Variants in STAC observed in about 807,000 individuals in gnomAD.
The protein encoded by STAC is SH3 and cysteine-rich domain-containing protein.
In STAC, 43 loss-of-function variants were observed where a neutral mutation model predicts 48.8. That is an observed-to-expected ratio of 0.88 (90% CI 0.69 to 1.14). STAC has a LOEUF of 1.14. STAC is among the 50% of genes most tolerant of loss of function. The pLI, the probability that STAC is intolerant of heterozygous loss-of-function variation, is 0.00. For synonymous variants in STAC, 193 were observed against 179.5 expected, an observed-to-expected ratio of 1.07 and a Z score of -0.60; for missense variants, 497 against 504.0, an observed-to-expected ratio of 0.99 and a Z score of 0.13.
At chr3:36,512,858 G>A (rs980602652) in intron 8 of STAC, among the ~76,000 whole-genome samples, 1 of 152,100 alleles carries the variant, frequency 6.6e-6, no homozygotes, top group Non-Finnish European at 1.5e-5. Context: ...AATGTGTAAG[G>A]CAATCCTTTG....
intron 1 of STAC, among the ~76,000 whole-genome samples, chr3:36,399,980 G>T (rs1377701073): frequency 1.3e-5 from 2 of 152,200 alleles, no homozygotes; most frequent in Non-Finnish European, 2.9e-5. Context: ...TAAATGGAAA[G>T]AAAGGATTAA....
chr3:36,436,542 T>TG, intron 1 of STAC, among the ~76,000 whole-genome samples: 1 of 152,190 alleles, frequency 6.6e-6, no homozygotes, highest in Non-Finnish European at 1.5e-5. Flanking sequence ...GATCTCTTGT[T>TG]GGGGCCACTG....
intron 1 of STAC, among the ~76,000 whole-genome samples, chr3:36,386,551 CTATTAT>C (rs1699620751): frequency 6.6e-6 from 1 of 151,760 alleles, no homozygotes; most frequent in African/African-American, 2.4e-5. Context: ...TTTAGATATT[CTATTAT>C]TATTTTCTAG....
At chr3:36,514,204 C>CTT (rs765548085) in intron 8 of STAC, among the ~76,000 whole-genome samples, 1,330 of 36,430 alleles carry the variant, frequency 0.037, 228 homozygotes, top group African/African-American at 0.066. Flanking sequence ...CACTGGCCTT[C>CTT]TTTTTTTTTT....
rs62245717 is a variant in STAC, at chr3:36,380,896, G to C, written c.111+142G>C. 3.7e-3 allele frequency: 2,279 copies of C among 615,142 alleles called. 6 individuals are homozygous for C. The highest frequency in any genetic ancestry group is 5.6e-3 in the Non-Finnish European group (1,966 of 350,082). The allele number at this position is 615,142 out of a possible 1,614,324, so 38.1% of individuals were successfully genotyped here. A position where few individuals can be genotyped will look rare whatever the true frequency, so the allele number is the denominator to read the frequency against. Reference sequence around the variant, plus strand: ...CCAGGGCTGTAGGACTTGAACGTCCGGTAGGACCCGCTGCTCACGATGCTG... The same window carrying C: ...CCAGGGCTGTAGGACTTGAACGTCCCGTAGGACCCGCTGCTCACGATGCTG... On this transcript the variant is annotated intron_variant, in intron 1 of 10. Coordinates refer to ENST00000273183, the MANE Select transcript of STAC (RefSeq NM_003149.3).
chr3:36,505,386 C>T (rs1263464023), intron 7 of STAC, among the ~76,000 whole-genome samples: 1 of 152,004 alleles, frequency 6.6e-6, no homozygotes, highest in Non-Finnish European at 1.5e-5. Flanking sequence ...GAGTTATACA[C>T]TACTATTCAT....
intron 6 of STAC, among the ~76,000 whole-genome samples, chr3:36,502,797 G>A (rs1208363823): frequency 6.6e-6 from 1 of 152,118 alleles, no homozygotes; most frequent in East Asian, 1.9e-4. Context: ...ACATCAAGTT[G>A]AGTGGCCAAA....
intron 2 of STAC, among the ~76,000 whole-genome samples, chr3:36,450,723 C>A (rs1696652197): frequency 6.6e-6 from 1 of 152,128 alleles, no homozygotes; most frequent in Admixed American, 6.5e-5. Flanking sequence ...ATGGGTTTCA[C>A]CATGTTGGCC....
intron 1 of STAC, among the ~76,000 whole-genome samples, chr3:36,412,433 G>GT (rs139913497): frequency 7.6e-4 from 113 of 149,640 alleles, no homozygotes; most frequent in Middle Eastern, 3.4e-3. Flanking sequence ...AAAAATAGAG[G>GT]TTTTTTTTTT....
At chr3:36,495,715 G>C (rs1698135787) in intron 6 of STAC, among the ~76,000 whole-genome samples, 1 of 152,236 alleles carries the variant, frequency 6.6e-6, no homozygotes, top group South Asian at 2.1e-4. Context: ...TTTTAAAATA[G>C]GAAGGGCTAT....
intron 1 of STAC, 45 bp downstream of exon 1, chr3:36,380,799 T>G: frequency 1.4e-6 from 2 of 1,466,546 alleles, no homozygotes; most frequent in Non-Finnish European, 1.9e-6. Context: ...CTCACTCTCC[T>G]CTCCTGTCGG....
chr3:36,438,844 T>A (rs1696232263), intron 1 of STAC, among the ~76,000 whole-genome samples: 1 of 152,194 alleles, frequency 6.6e-6, no homozygotes, highest in Non-Finnish European at 1.5e-5. Flanking sequence ...GTAAGCATCC[T>A]CCCCGTCACT....
At chr3:36,486,343 T>C in intron 5 of STAC, 94 bp downstream of exon 5, 2 of 1,090,200 alleles carry the variant, frequency 1.8e-6, no homozygotes, top group Non-Finnish European at 2.6e-6. Flanking sequence ...CCTGACTGCC[T>C]CATGAGGGCA....
chr3:36,530,361 C>T (rs1018367263), intron 10 of STAC, among the ~76,000 whole-genome samples: 23 of 152,038 alleles, frequency 1.5e-4, no homozygotes, highest in East Asian at 7.7e-4. Flanking sequence ...ACAGAGTTGC[C>T]GAAAACACAT....
At chr3:36,402,418 C>A (rs1700015059) in intron 1 of STAC, among the ~76,000 whole-genome samples, 1 of 151,926 alleles carries the variant, frequency 6.6e-6, no homozygotes, top group South Asian at 2.1e-4. Context: ...ATCTTGTATG[C>A]ATTATTCTGT....
At chr3:36,473,958 A>G (rs998358448) in intron 2 of STAC, among the ~76,000 whole-genome samples, 15 of 152,358 alleles carry the variant, frequency 9.8e-5, no homozygotes, top group Admixed American at 9.1e-4. Context: ...AGAGCAGCAT[A>G]CACTTACATT....
rs556057541 is a variant in STAC at position 36,456,066 on chromosome 3, C to T, written c.388+12426C>T. ...TATGTGCATCACATACACACACGTGCGCACACACACACACACACTCCTGCC... is the reference window on the plus strand; with the variant it reads ...TATGTGCATCACATACACACACGTGTGCACACACACACACACACTCCTGCC... On this transcript the variant is annotated intron_variant, in intron 2 of 10. Transcript: ENST00000273183. 9.7e-5 allele frequency among the ~76,000 whole-genome samples: 7 copies of T among 72,442 alleles called. No homozygotes were observed. The East Asian group carries it at 1.1e-3, about 11-fold the overall frequency. 47.5% of individuals were successfully genotyped at this position (72,442 alleles called of 152,430 possible).
chr3:36,384,885 T>C (rs1377592438), intron 1 of STAC, among the ~76,000 whole-genome samples: 1 of 152,188 alleles, frequency 6.6e-6, no homozygotes, highest in Non-Finnish European at 1.5e-5. Flanking sequence ...AAGATTTCTG[T>C]GTCCATCTAT....
chr3:36,545,826 T>C (rs893508334), intron 10 of STAC, among the ~76,000 whole-genome samples: 2 of 152,218 alleles, frequency 1.3e-5, no homozygotes, highest in Non-Finnish European at 2.9e-5. Context: ...TCCTTTAAAA[T>C]AATGTCCTGA....
Sources: allele counts gnomAD v4.1 joint callset (sites outside exome capture counted in the v4.1 genomes callset), GRCh38; gene constraint gnomAD v4.1.1; transcripts MANE v1.5; gene names NCBI Gene and HGNC (gene_info 2026-07-23, HGNC 2026-07-21).